The following LIPN variants were observed in gnomAD, a reference collection of about 807,000 sequenced individuals.
The protein encoded by LIPN is lipase family member N.
In LIPN, 32 loss-of-function variants were observed where a neutral mutation model predicts 43.7. That is an observed-to-expected ratio of 0.73 (90% CI 0.55 to 0.98). The LOEUF (loss-of-function observed/expected upper bound fraction) is 0.98. Among genes scored for constraint, LIPN ranks in the 50% least tolerant of loss-of-function variants. The probability of loss-of-function intolerance (pLI) is 0.00; values close to 1 mark genes in which losing one functional copy is unlikely to be tolerated. For missense variants in LIPN, 505 were observed against 483.8 expected (o/e 1.04, Z -0.41); for synonymous variants, 156 against 157.6 (o/e 0.99, Z 0.08).
chr10:88,768,766 G>A (rs758487165), intron 5 of LIPN, 26 bp from the exon 6 acceptor site: 26 of 1,598,100 alleles, frequency 1.6e-5, no homozygotes, highest in Non-Finnish European at 2.1e-5. Flanking sequence ...ATTTTTACAA[G>A]ATTGTCTTAT....
intron 9 of LIPN, among the ~76,000 whole-genome samples, chr10:88,776,721 A>G (rs1366410023): frequency 3.9e-5 from 6 of 152,068 alleles, no homozygotes; most frequent in African/African-American, 1.4e-4. Flanking sequence ...TCTCATCTGG[A>G]AGAGTACATG....
chr10:88,773,464 A>G (rs140127943), intron 7 of LIPN, among the ~76,000 whole-genome samples: 133 of 152,028 alleles, frequency 8.7e-4, no homozygotes, highest in African/African-American at 2.7e-3. Context: ...TTTGTGGGTG[A>G]CTTTTGTTTT....
chr10:88,762,741 A>T (rs1270789146), intron 3 of LIPN, among the ~76,000 whole-genome samples: 1 of 152,086 alleles, frequency 6.6e-6, no homozygotes, highest in Non-Finnish European at 1.5e-5. Context: ...CCTCTGCAGG[A>T]TAAAAAACAA....
At chr10:88,758,127 G>A (rs1842949251), upstream of LIPN, among the ~76,000 whole-genome samples, 1 of 152,014 alleles carries the variant, frequency 6.6e-6, no homozygotes, top group South Asian at 2.1e-4. Context: ...CACTGTAATA[G>A]GAAATGTGTT....
intron 3 of LIPN, among the ~76,000 whole-genome samples, chr10:88,763,814 G>A (rs374362): frequency 0.24 from 35,896 of 151,916 alleles, 4,386 homozygotes; most frequent in East Asian, 0.35. Flanking sequence ...ACTGGACAGA[G>A]GATGGGGATT....
At chr10:88,760,216 C>G (rs2134820259) in intron 1 of LIPN, among the ~76,000 whole-genome samples, 110 bp downstream of exon 1, 1 of 152,122 alleles carries the variant, frequency 6.6e-6, no homozygotes, top group East Asian at 1.9e-4. Flanking sequence ...CATCCTAGAT[C>G]TCTCACCTCT....
chr10:88,771,344 AT>A (rs1409207119), intron 7 of LIPN, among the ~76,000 whole-genome samples: 3 of 151,880 alleles, frequency 2.0e-5, no homozygotes, highest in Admixed American at 6.6e-5. Flanking sequence ...CCTATTGTGC[AT>A]GCCAGACTTT....
intron 7 of LIPN, among the ~76,000 whole-genome samples, chr10:88,773,729 G>A (rs995858109): frequency 6.6e-6 from 1 of 151,928 alleles, no homozygotes; most frequent in Non-Finnish European, 1.5e-5. Flanking sequence ...TATTCTCTAA[G>A]AAGCTAAATT....
chr10:88,759,939 C>T (rs1330500241), upstream of LIPN, among the ~76,000 whole-genome samples: 1 of 152,076 alleles, frequency 6.6e-6, no homozygotes, highest in Non-Finnish European at 1.5e-5. Flanking sequence ...GGGTGTGTGT[C>T]TCAGTCTAAA....
At chr10:88,773,333 A>G (rs1843241548) in intron 7 of LIPN, among the ~76,000 whole-genome samples, 1 of 151,922 alleles carries the variant, frequency 6.6e-6, no homozygotes, top group Admixed American at 6.6e-5. Flanking sequence ...GTTCTCAATC[A>G]GCCATAACTT....
intron 7 of LIPN, among the ~76,000 whole-genome samples, chr10:88,772,582 G>A (rs1042542390): frequency 6.6e-6 from 1 of 151,712 alleles, no homozygotes; most frequent in Non-Finnish European, 1.5e-5. Flanking sequence ...GGGTTTATTT[G>A]TGGGTTCTTT....
chr10:88,764,273 GTTT>G (rs1201034105), intron 3 of LIPN, 134 bp from the exon 4 acceptor site: 1 of 596,716 alleles, frequency 1.7e-6, no homozygotes, highest in Non-Finnish European at 2.9e-6. Context: ...AGTGAAAACA[GTTT>G]TTGTTTTACC....
At position 88,778,823 on chromosome 10, in the gene LIPN, C is replaced by T. The variant is rs139452597; in HGVS notation, c.*581C>T. Reference sequence around the variant, plus strand: ...TCTTATCCCTGGCTATCTGCGTAAACGGAATCTTGAACCCATAATAGGATA... The same window carrying T: ...TCTTATCCCTGGCTATCTGCGTAAATGGAATCTTGAACCCATAATAGGATA... On this transcript the variant is annotated 3_prime_UTR_variant, in exon 10 of 10. Transcript: ENST00000404459. 3.3e-4 allele frequency among the ~76,000 whole-genome samples: 50 copies of T among 152,276 alleles called. No homozygotes were observed. In the East Asian group the frequency reaches 6.6e-3, roughly 20 times the overall value.
At chr10:88,775,243 A>G in intron 9 of LIPN, 80 bp downstream of exon 9, 5 of 969,314 alleles carry the variant, frequency 5.2e-6, no homozygotes, top group Non-Finnish European at 3.1e-6. Flanking sequence ...AAAGACTCCT[A>G]CCTGTCATTT....
chr10:88,774,378 G>A lies in LIPN; in HGVS notation c.820-95G>A, dbSNP rs34165732. On this transcript the variant is annotated intron_variant, in intron 7 of 9. Transcript: ENST00000404459. ...CTACCTTGTTATTTTCAAAGCCCCA[G>A]TCTTGTTTGCTAATTCTGTGCATCA... 38,712 of 728,384 alleles carry A rather than the reference G, an allele frequency of 0.053. 1,249 individuals are homozygous for A. Among genetic ancestry groups the A allele is most frequent in the Non-Finnish European group, 0.058 (23,805 of 408,700 alleles). 45.1% of individuals were successfully genotyped at this position (728,384 alleles called of 1,614,324 possible). A position where few individuals can be genotyped will look rare whatever the true frequency, so the allele number is the denominator to read the frequency against.
intron 6 of LIPN, chr10:88,769,548 A>G (rs1252991371): frequency 1.0e-6 from 1 of 976,144 alleles, no homozygotes; most frequent in South Asian, 4.7e-5. Context: ...TTGTTTCTCT[A>G]CAAAGGTCAT....
intron 6 of LIPN, 73 bp downstream of exon 6, chr10:88,769,001 C>A: frequency 7.0e-7 from 1 of 1,420,350 alleles, no homozygotes; most frequent in Non-Finnish European, 9.8e-7. Context: ...TTCAAATCTA[C>A]TGTAAAGTAA....
chr10:88,768,940 T>C lies in LIPN; in HGVS notation c.672+12T>C, dbSNP rs563436533. 2 of 1,608,786 alleles carry C rather than the reference T, an allele frequency of 1.2e-6. No individual in the cohort carries two copies. Among genetic ancestry groups the C allele is most frequent in the East Asian group, 2.2e-5 (1 of 44,746 alleles). On this transcript the variant is annotated intron_variant, in intron 6 of 9. Transcript: ENST00000404459. The stretch of plus-strand genomic sequence containing the variant: ...ATTCCATAATCAAGGTAGGCTCCTT[T>C]CAACAAAATGTACCTGAGGATCTCA...
At chr10:88,764,050 T>A (rs1843047162) in intron 3 of LIPN, among the ~76,000 whole-genome samples, 1 of 152,032 alleles carries the variant, frequency 6.6e-6, no homozygotes, top group African/African-American at 2.4e-5. Context: ...CTTATCTGGG[T>A]GGCCCTCTGG....
Sources: gnomAD v4.1 joint callset for allele counts (sites outside exome capture counted in the v4.1 genomes callset) on GRCh38, gnomAD v4.1.1 for gene constraint, MANE v1.5 for transcripts, NCBI Gene and HGNC (gene_info 2026-07-23, HGNC 2026-07-21) for gene names.